The following GFOD1 variants were observed in gnomAD, a reference collection of about 807,000 sequenced individuals.
The protein encoded by GFOD1 is glucose-fructose oxidoreductase domain-containing protein 1.
A neutral mutation model predicts 25.4 loss-of-function variants in GFOD1; 9 were observed. The ratio of observed to expected loss-of-function variants is 0.35; its 90% CI spans 0.21 to 0.62. The LOEUF (loss-of-function observed/expected upper bound fraction) is 0.62. GFOD1 is among the 20% of genes least tolerant of loss of function. The probability of loss-of-function intolerance (pLI) is 0.72; values close to 1 mark genes in which losing one functional copy is unlikely to be tolerated. For synonymous variants in GFOD1, 253 were observed against 245.6 expected (o/e 1.03, Z -0.28); for missense variants, 403 against 556.9 (o/e 0.72, Z 2.78).
chr6:13,486,942 C>G lies in GFOD1; in HGVS notation c.-52G>C. ...TTCTGCTCGGATCTCCAGTCCAACG[C>G]GCGCACACACCCACCTCTAGCCAGT... is the stretch of plus-strand genomic sequence containing the variant. On this transcript the variant is annotated 5_prime_UTR_variant, in exon 1 of 2. Coordinates refer to ENST00000379287, the MANE Select transcript of GFOD1 (RefSeq NM_018988.4). 6.3e-7 allele frequency: 1 copy of G among 1,576,940 alleles called. No homozygotes were observed. Among genetic ancestry groups the G allele is most frequent in the African/African-American group, 1.3e-5 (1 of 74,770 alleles).
At chr6:13,449,123 C>T (rs1758053264) in intron 1 of GFOD1, among the ~76,000 whole-genome samples, 1 of 151,672 alleles carries the variant, frequency 6.6e-6, no homozygotes, top group Non-Finnish European at 1.5e-5. Context: ...ACCGTCTCTA[C>T]AAAAAAAACA....
At position 13,402,723 on chromosome 6, in the gene GFOD1, C is replaced by A. The variant is rs549498774; in HGVS notation, c.254-37061G>T. 1.4e-4 allele frequency among the ~76,000 whole-genome samples: 22 copies of A among 152,310 alleles called. No homozygotes were observed. The South Asian group carries it at 4.6e-3, about 32-fold the overall frequency. On this transcript the variant is annotated intron_variant, in intron 1 of 1. Coordinates refer to ENST00000379287, the MANE Select transcript of GFOD1 (RefSeq NM_018988.4). ...GAATAATTGGAACCCTCAAACATTG[C>A]TCGTAAGAATGTACAATGGTGTAGC...
At chr6:13,433,354 G>A (rs1330923251) in intron 1 of GFOD1, among the ~76,000 whole-genome samples, 1 of 152,082 alleles carries the variant, frequency 6.6e-6, no homozygotes, top group Admixed American at 6.5e-5. Context: ...CTTGACCTCA[G>A]ATCATCTACC....
At chr6:13,374,273 T>TTG (rs567594703) in intron 1 of GFOD1, among the ~76,000 whole-genome samples, 6,186 of 134,292 alleles carry the variant, frequency 0.046, 152 homozygotes, top group Non-Finnish European at 0.057. Context: ...TGTTTTTTTT[T>TTG]TGTGTGTGTG....
chr6:13,455,418 G>A (rs968391697), intron 1 of GFOD1, among the ~76,000 whole-genome samples: 1 of 152,196 alleles, frequency 6.6e-6, no homozygotes, highest in Non-Finnish European at 1.5e-5. Flanking sequence ...CCACGAATGG[G>A]AAAGCCACCT....
chr6:13,369,875 A>G (rs912094187), intron 1 of GFOD1, among the ~76,000 whole-genome samples: 5 of 152,214 alleles, frequency 3.3e-5, no homozygotes, highest in Non-Finnish European at 7.3e-5. Context: ...CTGAAATGAC[A>G]AAAGAAAAAG....
intron 1 of GFOD1, among the ~76,000 whole-genome samples, chr6:13,474,116 T>A (rs9474288): frequency 0.032 from 4,801 of 152,282 alleles, 242 homozygotes; most frequent in African/African-American, 0.11. Context: ...ACGGTGGCTC[T>A]CGCCTGTAAT....
chr6:13,477,167 GCAAAATCT>G lies in GFOD1; in HGVS notation c.253+9463_253+9470del, dbSNP rs1562231445. On this transcript the variant is annotated intron_variant, in intron 1 of 1. Coordinates refer to ENST00000379287, the MANE Select transcript of GFOD1 (RefSeq NM_018988.4). ...GCCTAGCCAGGTGGCCTTGATCCAG[GCAAAATCT>G]GTATTAGTCAGGGTTCACCAGAGAA... 1.3e-4 allele frequency among the ~76,000 whole-genome samples: 20 copies of G among 149,656 alleles called. 1 individual carries two copies. Among genetic ancestry groups the G allele is most frequent in the Non-Finnish European group, 2.1e-4 (14 of 67,626 alleles).
At position 13,365,510 on chromosome 6, in the gene GFOD1, C is replaced by T. The variant is rs369826547; in HGVS notation, c.406G>A (p.Glu136Lys). Residue 136 changes from glutamate to lysine, a missense_variant, in exon 2 of 2, where the codon GAG becomes AAG. Coordinates refer to ENST00000379287, the MANE Select transcript of GFOD1 (RefSeq NM_018988.4). The surrounding 1 kb of genome is among the most constrained non-coding windows in gnomAD (Gnocchi z 9.2). ...PAFVRMKQLI[E>K]EGYVGEPLVC... ...AGCGGCTCGCCCACGTAGCCCTCCT[C>T]GATCAGCTGCTTCATGCGCACGAAA... 79 of 1,612,950 alleles carry T rather than the reference C, an allele frequency of 4.9e-5. No homozygotes were observed. The highest frequency in any genetic ancestry group is 1.1e-5 in the Non-Finnish European group (13 of 1,179,986).
chr6:13,417,695 C>T (rs1786185568), intron 1 of GFOD1, among the ~76,000 whole-genome samples: 1 of 152,234 alleles, frequency 6.6e-6, no homozygotes, highest in South Asian at 2.1e-4. Context: ...AGGCTCAAAA[C>T]AGTCACAGAG....
At chr6:13,431,049 G>C (rs1757740282) in intron 1 of GFOD1, among the ~76,000 whole-genome samples, 1 of 152,246 alleles carries the variant, frequency 6.6e-6, no homozygotes, top group Non-Finnish European at 1.5e-5. Context: ...TAATAAGTCT[G>C]GGTTTGGGAC....
At chr6:13,407,027 T>C (rs936242398) in intron 1 of GFOD1, among the ~76,000 whole-genome samples, 1 of 152,214 alleles carries the variant, frequency 6.6e-6, no homozygotes, top group East Asian at 1.9e-4. Flanking sequence ...CAATGGGATG[T>C]GAATGGAAGA....
chr6:13,482,162 T>C (rs1004316528), intron 1 of GFOD1, among the ~76,000 whole-genome samples: 1 of 148,798 alleles, frequency 6.7e-6, no homozygotes, highest in African/African-American at 2.4e-5. Context: ...TTAATATATG[T>C]ATATATACAA....
intron 1 of GFOD1, among the ~76,000 whole-genome samples, chr6:13,396,575 A>G (rs1785737527): frequency 6.6e-6 from 1 of 152,206 alleles, no homozygotes; most frequent in Non-Finnish European, 1.5e-5. Context: ...GAGACTTTGT[A>G]GGTGGGATGA....
chr6:13,424,956 CTTTTTTTTTT>C (rs571287840), intron 1 of GFOD1, among the ~76,000 whole-genome samples: 1 of 123,900 alleles, frequency 8.1e-6, no homozygotes, highest in East Asian at 2.2e-4. Flanking sequence ...ACATTTAATT[CTTTTTTTTTT>C]TTTTTTTTTT....
At chr6:13,382,095 C>A (rs965218971) in intron 1 of GFOD1, among the ~76,000 whole-genome samples, 1 of 152,140 alleles carries the variant, frequency 6.6e-6, no homozygotes, top group African/African-American at 2.4e-5. Flanking sequence ...AGAGTCAAGG[C>A]CCAAGTTCAC....
chr6:13,450,898 A>G (rs562413142), intron 1 of GFOD1, among the ~76,000 whole-genome samples: 2 of 152,372 alleles, frequency 1.3e-5, no homozygotes, highest in African/African-American at 4.8e-5. Flanking sequence ...GCAGGCCCTT[A>G]TAAGGACAGC....
In GFOD1 at chr6:13,365,152, G is replaced by A. The variant is rs1279816123; in HGVS notation, c.764C>T (p.Ala255Val). Reference protein sequence around the residue: ...FKQDVTVVGSAGRLLAVGTDL... With the variant: ...FKQDVTVVGSVGRLLAVGTDL... ...GGTGCCCACGGCCAGCAGGCGCCCG[G>A]CTGAGCCCACCACAGTGACATCCTG... The change falls in exon 2 of 2, where the codon GCC becomes GTC. Residue 255 changes from alanine (A) to valine (V), a missense_variant. Coordinates refer to ENST00000379287, the MANE Select transcript of GFOD1 (RefSeq NM_018988.4). This position sits in a 1 kb window ranked among gnomAD's most constrained non-coding sequence, Gnocchi z 9.2. 1 of 1,613,342 alleles carries A rather than the reference G, an allele frequency of 6.2e-7. No individual in the cohort carries two copies. Among genetic ancestry groups the A allele is most frequent in the African/African-American group, 1.3e-5 (1 of 74,910 alleles).
intron 1 of GFOD1, among the ~76,000 whole-genome samples, chr6:13,445,706 A>G (rs183110699): frequency 1.3e-5 from 2 of 152,342 alleles, no homozygotes; most frequent in East Asian, 3.9e-4. Context: ...CAGAATCAAG[A>G]GGTTTGCTCT....
Sources: allele counts gnomAD v4.1 joint callset (sites outside exome capture counted in the v4.1 genomes callset), GRCh38; gene constraint gnomAD v4.1.1; non-coding constraint Gnocchi (gnomAD v3.1); transcripts MANE v1.5; gene names NCBI Gene and HGNC (gene_info 2026-07-23, HGNC 2026-07-21).